The following SKIC8 variants were observed in gnomAD, a reference collection of about 807,000 sequenced individuals.
The protein encoded by SKIC8 is superkiller complex protein 8.
chr15:78,283,343 T>C, the SKIC8 span: 5 of 1,006,190 alleles, frequency 5.0e-6, no homozygotes, highest in African/African-American at 4.9e-5. Context: ...ATAAATGCTA[T>C]ATTTCTTTTA....
chr15:78,288,360 G>T, the SKIC8 span: 2 of 1,613,846 alleles, frequency 1.2e-6, no homozygotes, highest in Non-Finnish European at 1.7e-6. Context: ...AAAAGGTCAA[G>T]GAGCGAATGG....
At chr15:78,298,329 G>A in the SKIC8 span, among the ~76,000 whole-genome samples, 10 of 152,200 alleles carry the variant, frequency 6.6e-5, no homozygotes, top group Admixed American at 6.5e-5. Flanking sequence ...CACATTTGAG[G>A]ATGTACAATG....
the SKIC8 span, chr15:78,284,931 T>C: frequency 1.8e-5 from 5 of 277,798 alleles, no homozygotes; most frequent in Admixed American, 4.7e-5. Context: ...GAGCCTGCCA[T>C]GGCGCAGCAG....
chr15:78,292,667 G>C, the SKIC8 span: 1 of 1,614,218 alleles, frequency 6.2e-7, no homozygotes, highest in Non-Finnish European at 8.5e-7. Context: ...AAGTCCCAAA[G>C]ACGAATATGA....
chr15:78,285,278 A>G, the SKIC8 span: 3 of 1,614,240 alleles, frequency 1.9e-6, no homozygotes, highest in East Asian at 6.7e-5. Context: ...TGGTGATCAA[A>G]GAAGGTGTGA....
the SKIC8 span, among the ~76,000 whole-genome samples, chr15:78,296,274 C>T: frequency 2.0e-5 from 3 of 152,006 alleles, no homozygotes; most frequent in East Asian, 1.9e-4. Context: ...GGTGTAGTGG[C>T]GCACACCTGT....
At chr15:78,285,013 C>T in the SKIC8 span, 1 of 487,444 alleles carries the variant, frequency 2.1e-6, no homozygotes, top group Admixed American at 3.4e-5. Context: ...GTGGGGCTAA[C>T]ACCATGTTTT....
At chr15:78,293,259 G>C in the SKIC8 span, 1 of 1,613,870 alleles carries the variant, frequency 6.2e-7, no homozygotes, top group African/African-American at 1.3e-5. Flanking sequence ...CTGACCAAAT[G>C]GCATCATCAT....
At chr15:78,296,035 C>T in the SKIC8 span, 1 of 234,552 alleles carries the variant, frequency 4.3e-6, no homozygotes, top group Non-Finnish European at 8.1e-6. Flanking sequence ...ACCACAGCTC[C>T]TTTTAATATT....
At chr15:78,294,848 T>C in the SKIC8 span, 6 of 1,462,220 alleles carry the variant, frequency 4.1e-6, no homozygotes, top group Non-Finnish European at 5.7e-6. Context: ...GTGAGTATAC[T>C]TGAAAACTGC....
At chr15:78,292,766 GT>G in the SKIC8 span, 2 of 1,613,934 alleles carry the variant, frequency 1.2e-6, no homozygotes, top group Non-Finnish European at 1.7e-6. Context: ...AGACTCCACT[GT>G]AGGTCCAGCC....
chr15:78,289,504 T>C, the SKIC8 span: 4 of 765,846 alleles, frequency 5.2e-6, no homozygotes, highest in East Asian at 5.3e-5. Context: ...CCAATTGAGA[T>C]TGATATTTTG....
the SKIC8 span, chr15:78,289,679 T>C: frequency 1.2e-6 from 2 of 1,614,230 alleles, no homozygotes; most frequent in Non-Finnish European, 1.7e-6. Flanking sequence ...ATTCCATCTA[T>C]GGCTCCACTG....
At chr15:78,295,627 C>A in the SKIC8 span, 9 of 1,611,826 alleles carry the variant, frequency 5.6e-6, no homozygotes, top group Non-Finnish European at 7.6e-6. Context: ...TGGACTTGAA[C>A]TTGGCAAAGA....
the SKIC8 span, chr15:78,295,614 T>TACTGG: frequency 6.8e-6 from 11 of 1,611,364 alleles, no homozygotes; most frequent in African/African-American, 1.5e-4. Context: ...CCAGAAAACC[T>TACTGG]ACTGGACTTG....
At chr15:78,287,918 G>A in the SKIC8 span, among the ~76,000 whole-genome samples, 1 of 152,142 alleles carries the variant, frequency 6.6e-6, no homozygotes, top group African/African-American at 2.4e-5. Flanking sequence ...CCCTACCCTT[G>A]AAAATGGATG....
chr15:78,289,797 C>T, the SKIC8 span: 1 of 1,522,536 alleles, frequency 6.6e-7, no homozygotes, highest in Non-Finnish European at 9.1e-7. Context: ...AAACCTCCTG[C>T]TATCTACAGG....
chr15:78,289,700 T>G, the SKIC8 span: 1 of 1,614,104 alleles, frequency 6.2e-7, no homozygotes, highest in Non-Finnish European at 8.5e-7. Context: ...GCTAGGTATT[T>G]CCCATCAGGA....
the SKIC8 span, chr15:78,295,651 T>G: frequency 1.2e-6 from 2 of 1,608,352 alleles, no homozygotes; most frequent in Non-Finnish European, 1.7e-6. Context: ...CAATTGATGT[T>G]TTTCCCTTCA....
Sources: gnomAD v4.1 joint callset for allele counts (sites outside exome capture counted in the v4.1 genomes callset) on GRCh38, gnomAD v4.1.1 for gene constraint, MANE v1.5 for transcripts, NCBI Gene and HGNC (gene_info 2026-07-23, HGNC 2026-07-21) for gene names.